Variants in FBXO16 observed in about 807,000 individuals in gnomAD.
The protein encoded by FBXO16 is F-box only protein 16.
In FBXO16, 31 loss-of-function variants were observed where a neutral mutation model predicts 41.0. The observed-to-expected ratio is 0.76, with a 90% CI of 0.57 to 1.02. The LOEUF (loss-of-function observed/expected upper bound fraction) is 1.02. FBXO16 is among the 50% of genes least tolerant of loss of function. The pLI is 0.00. For missense variants in FBXO16, 361 were observed against 346.2 expected (o/e 1.04, Z -0.34); for synonymous variants, 133 against 117.8 (o/e 1.13, Z -0.84).
At chr8:28,449,236 CAG>C (rs1182468709) in intron 6 of FBXO16, 3 of 150,304 alleles carry the variant, frequency 2.0e-5, no homozygotes, top group Admixed American at 6.6e-5. Context: ...AAAAAAAGGA[CAG>C]AGGGGAAATC....
At chr8:28,444,717 C>A (rs1479183343) in intron 7 of FBXO16, among the ~76,000 whole-genome samples, 1 of 147,796 alleles carries the variant, frequency 6.8e-6, no homozygotes, top group Admixed American at 6.8e-5. Context: ...CCTGACCTCA[C>A]AATCTGCCCA....
At chr8:28,433,817 A>G (rs1802646941) in intron 7 of FBXO16, among the ~76,000 whole-genome samples, 1 of 152,180 alleles carries the variant, frequency 6.6e-6, no homozygotes, top group African/African-American at 2.4e-5. Flanking sequence ...GAAGTGGGTG[A>G]GAATGCCAAG....
At chr8:28,471,805 CAAAAAAA>C (rs557259701) in intron 3 of FBXO16, among the ~76,000 whole-genome samples, 52 of 23,750 alleles carry the variant, frequency 2.2e-3, no homozygotes, top group East Asian at 4.0e-3. Flanking sequence ...CAGAGAATCT[CAAAAAAA>C]AAAAAAAAAA....
chr8:28,447,311 CTT>C (rs1403368574), intron 6 of FBXO16, 38 bp from the exon 7 acceptor site: 22 of 1,543,864 alleles, frequency 1.4e-5, no homozygotes, highest in Non-Finnish European at 1.9e-5. Flanking sequence ...TACAAAGTAT[CTT>C]TTTAAAACTC....
intron 1 of FBXO16, among the ~76,000 whole-genome samples, chr8:28,486,704 C>T (rs888367451): frequency 2.6e-5 from 4 of 151,832 alleles, no homozygotes; most frequent in Non-Finnish European, 5.9e-5. Context: ...TGGTGCACGC[C>T]TGTGGTCCCA....
chr8:28,487,997 C>T (rs1434256749), intron 1 of FBXO16, among the ~76,000 whole-genome samples: 2 of 151,744 alleles, frequency 1.3e-5, no homozygotes, highest in African/African-American at 4.8e-5. Context: ...GGATTATAGG[C>T]GCCTGCCACC....
chr8:28,431,565 G>T (rs1206593629), intron 7 of FBXO16, among the ~76,000 whole-genome samples: 1 of 152,076 alleles, frequency 6.6e-6, no homozygotes, highest in Admixed American at 6.6e-5. Flanking sequence ...TTTTCCCTTG[G>T]CTGTGAATCC....
chr8:28,450,711 T>C (rs1452125282), intron 6 of FBXO16, among the ~76,000 whole-genome samples: 1 of 152,188 alleles, frequency 6.6e-6, no homozygotes, highest in Non-Finnish European at 1.5e-5. Flanking sequence ...CAGCCTTTCT[T>C]GTACCTATGT....
Position 28,463,595 on chromosome 8 carries a change from C to T in FBXO16, c.342+17G>A. ...GCTGTCCTCACAAAACACCACATAC[C>T]CCTTCCTTGCCTTTACCTGTGCACA... On this transcript the variant is annotated intron_variant, in intron 4 of 8. Coordinates refer to ENST00000380254, the MANE Select transcript of FBXO16 (RefSeq NM_172366.4). 1 of 1,612,670 alleles carries T rather than the reference C, an allele frequency of 6.2e-7. No homozygotes were observed.
chr8:28,476,772 T>C (rs1360080670), intron 2 of FBXO16, among the ~76,000 whole-genome samples: 1 of 152,146 alleles, frequency 6.6e-6, no homozygotes, highest in Non-Finnish European at 1.5e-5. Flanking sequence ...ACTGGGTGCT[T>C]TTTCTCAGAA....
intron 7 of FBXO16, among the ~76,000 whole-genome samples, chr8:28,444,832 C>T (rs1473023619): frequency 2.1e-4 from 27 of 130,118 alleles, no homozygotes; most frequent in African/African-American, 7.3e-4. Context: ...AGGGTTTCAC[C>T]GTATTTGCCA....
chr8:28,483,830 A>T (rs1385502309), intron 1 of FBXO16, among the ~76,000 whole-genome samples: 1 of 152,056 alleles, frequency 6.6e-6, no homozygotes, highest in Non-Finnish European at 1.5e-5. Flanking sequence ...GCAGAGCGAG[A>T]CTCCACCTCA....
rs541827096 is a variant in FBXO16, at chr8:28,481,758, C to T, written c.99+1590G>A. ...CCGGGAGGTGGAGGTTGTAGTGAGC[C>T]GAGATCGCACCACTGCACTCCAGTC... On this transcript the variant is annotated intron_variant, in intron 2 of 8. Transcript: ENST00000380254. Among the ~76,000 whole-genome samples the T allele has an allele frequency of 2.4e-3, 358 of 146,780 alleles. 3 individuals are homozygous for T. The highest frequency in any genetic ancestry group is 8.9e-3 in the African/African-American group (348 of 38,900).
chr8:28,435,409 G>A (rs541465537), intron 7 of FBXO16, among the ~76,000 whole-genome samples: 117 of 152,160 alleles, frequency 7.7e-4, no homozygotes, highest in African/African-American at 2.6e-3. Flanking sequence ...CCTGACCTCA[G>A]GTGATCTGCC....
intron 2 of FBXO16, among the ~76,000 whole-genome samples, 165 bp downstream of exon 2, chr8:28,483,183 T>G (rs973962238): frequency 2.0e-5 from 3 of 152,210 alleles, no homozygotes; most frequent in African/African-American, 7.2e-5. Context: ...GCCTTGCCCA[T>G]ATAGCATGGG....
chr8:28,467,657 A>G (rs1803266624), intron 3 of FBXO16, among the ~76,000 whole-genome samples: 1 of 152,234 alleles, frequency 6.6e-6, no homozygotes, highest in Non-Finnish European at 1.5e-5. Flanking sequence ...AGAATAAATG[A>G]GGTTAGCTCA....
rs1803046196 is a variant in FBXO16 at position 28,456,818 on chromosome 8, C to G, written c.455G>C (p.Trp152Ser). 6 of 1,614,078 alleles carry G rather than the reference C, an allele frequency of 3.7e-6. No homozygotes were observed. Among genetic ancestry groups the G allele is most frequent in the Non-Finnish European group, 5.1e-6 (6 of 1,180,018 alleles). ...FSPTPFEQGI[W>S]KKHYIQMVKE... ...CACCATTTGAATATAGTGCTTCTTCCAGATCCCCTGCTCAAAGGGAGTTGG... is the reference window on the plus strand; with the variant it reads ...CACCATTTGAATATAGTGCTTCTTCGAGATCCCCTGCTCAAAGGGAGTTGG... The change falls in exon 5 of 9, where the codon TGG becomes TCG. Residue 152 changes from tryptophan (W) to serine (S), a missense_variant. Transcript: ENST00000380254.
At chr8:28,452,987 G>A (rs796189144) in intron 5 of FBXO16, among the ~76,000 whole-genome samples, 5 of 151,534 alleles carry the variant, frequency 3.3e-5, no homozygotes, top group South Asian at 2.1e-4. Flanking sequence ...TGTCATCATC[G>A]TCATCATCAC....
chr8:28,477,872 C>T (rs1041851616), intron 2 of FBXO16, among the ~76,000 whole-genome samples: 4 of 152,062 alleles, frequency 2.6e-5, no homozygotes, highest in African/African-American at 7.2e-5. Context: ...ATTAGCCGGG[C>T]ATGGTGGTGT....
Sources: allele counts gnomAD v4.1 joint callset (sites outside exome capture counted in the v4.1 genomes callset), GRCh38; gene constraint gnomAD v4.1.1; transcripts MANE v1.5; gene names NCBI Gene and HGNC (gene_info 2026-07-23, HGNC 2026-07-21).